CDH18: variants seen among roughly 807,000 people sequenced by gnomAD.
CDH18 encodes cadherin-18.
A neutral mutation model predicts 67.9 loss-of-function variants in CDH18; 31 were observed. That is an observed-to-expected ratio of 0.46 (90% confidence interval 0.34 to 0.62). The LOEUF is 0.62. Among genes scored for constraint, CDH18 ranks in the 20% least tolerant of loss-of-function variants. The pLI is 0.01. For missense variants in CDH18, 890 were observed against 975.5 expected (o/e 0.91, Z 1.17); for synonymous variants, 362 against 347.2 (o/e 1.04, Z -0.48).
At chr5:19,871,482 C>A (rs576989366) in intron 2 of CDH18, among the ~76,000 whole-genome samples, 1 of 152,110 alleles carries the variant, frequency 6.6e-6, no homozygotes, top group African/African-American at 2.4e-5. Context: ...TAGCACATAG[C>A]GTTTGAATGC....
chr5:20,306,996 A>C (rs914919272), intron 1 of CDH18, among the ~76,000 whole-genome samples: 2 of 151,852 alleles, frequency 1.3e-5, no homozygotes, highest in Non-Finnish European at 2.9e-5. Flanking sequence ...TACTCAATAT[A>C]TATTTACCAA....
chr5:20,321,562 C>T (rs549032146), intron 1 of CDH18, among the ~76,000 whole-genome samples: 1 of 152,122 alleles, frequency 6.6e-6, no homozygotes, highest in Non-Finnish European at 1.5e-5. Context: ...AAAAAAAGTG[C>T]TATACTCTTT....
intron 1 of CDH18, among the ~76,000 whole-genome samples, chr5:19,987,253 AACACACACACACACACACAC>A (rs10654722): frequency 2.8e-5 from 4 of 144,356 alleles, no homozygotes; most frequent in Admixed American, 7.0e-5. Flanking sequence ...CTGTACAGAC[AACACACACACACACACACAC>A]ACACACACAC....
chr5:20,353,336 T>C (rs1011859334), intron 1 of CDH18, among the ~76,000 whole-genome samples: 1 of 152,186 alleles, frequency 6.6e-6, no homozygotes, highest in African/African-American at 2.4e-5. Flanking sequence ...TGCTTTTCAA[T>C]AAGACAAATA....
At chr5:19,886,867 G>GATTC (rs1788268918) in intron 2 of CDH18, among the ~76,000 whole-genome samples, 2 of 152,036 alleles carry the variant, frequency 1.3e-5, no homozygotes, top group Non-Finnish European at 2.9e-5. Flanking sequence ...TTTTTGTGTG[G>GATTC]ATTCATTCAT....
At chr5:20,382,955 C>T (rs562020183) in intron 1 of CDH18, among the ~76,000 whole-genome samples, 1 of 152,128 alleles carries the variant, frequency 6.6e-6, no homozygotes, top group South Asian at 2.1e-4. Flanking sequence ...AATTTTTCAT[C>T]CAAATAGGAA....
rs1001948291 is a variant in CDH18, at chr5:19,619,313, A to G, written c.644-6712T>C. Among the ~76,000 whole-genome samples, 3 of 152,232 alleles carry G rather than the reference A, an allele frequency of 2.0e-5. No individual in the cohort carries two copies. The South Asian group carries it at 6.2e-4, about 32-fold the overall frequency. On this transcript the variant is annotated intron_variant, in intron 5 of 12. Coordinates refer to ENST00000382275, the MANE Select transcript of CDH18 (RefSeq NM_004934.5). The stretch of plus-strand genomic sequence containing the variant: ...TGCTATGATTAGAATGTTCAATGAT[A>G]TGGAAACAGATATGCAAATCTGTAC...
intron 2 of CDH18, among the ~76,000 whole-genome samples, chr5:19,922,213 G>A (rs1052894955): frequency 6.6e-6 from 1 of 152,136 alleles, no homozygotes; most frequent in Non-Finnish European, 1.5e-5. Context: ...TAAACTGCTA[G>A]TGATAATAAT....
intron 1 of CDH18, among the ~76,000 whole-genome samples, chr5:20,266,497 G>A (rs978487773): frequency 9.9e-5 from 15 of 151,502 alleles, no homozygotes; most frequent in Non-Finnish European, 1.3e-4. Flanking sequence ...TCTGCCTCCC[G>A]GGTTCAAGTG....
At chr5:19,477,732 T>C (rs559187089) in intron 12 of CDH18, among the ~76,000 whole-genome samples, 36 of 152,074 alleles carry the variant, frequency 2.4e-4, no homozygotes, top group South Asian at 2.1e-4. Flanking sequence ...TATCAAAGCA[T>C]ACACATTGGC....
chr5:20,039,289 A>T (rs1740190739), intron 2 of CDH18, among the ~76,000 whole-genome samples: 1 of 152,188 alleles, frequency 6.6e-6, no homozygotes, highest in South Asian at 2.1e-4. Context: ...TTGTAGATAC[A>T]ATGCTATCCC....
chr5:20,488,700 T>TATATATATATATATATATAC (rs369185147), intron 1 of CDH18, among the ~76,000 whole-genome samples: 88 of 137,238 alleles, frequency 6.4e-4, no homozygotes, highest in African/African-American at 2.2e-3. Flanking sequence ...TATATATATA[T>TATATATATATATATATATAC]ACACACACAT....
intron 1 of CDH18, among the ~76,000 whole-genome samples, chr5:20,411,955 T>A (rs942081259): frequency 7.9e-5 from 12 of 152,190 alleles, no homozygotes; most frequent in African/African-American, 2.9e-4. Context: ...ATAGTCATAC[T>A]GCTGAAAGCA....
chr5:19,764,485 C>CACATATAA (rs956003280), intron 3 of CDH18, among the ~76,000 whole-genome samples: 4 of 151,610 alleles, frequency 2.6e-5, no homozygotes, highest in Admixed American at 1.3e-4. Context: ...TTAATATAAA[C>CACATATAA]ACATATAAAG....
intron 2 of CDH18, among the ~76,000 whole-genome samples, chr5:19,868,155 T>C (rs1785800166): frequency 6.6e-6 from 1 of 152,216 alleles, no homozygotes; most frequent in South Asian, 2.1e-4. Context: ...TAGACCTATA[T>C]ATAAATTACT....
At chr5:20,320,348 T>C (rs1737886268) in intron 1 of CDH18, among the ~76,000 whole-genome samples, 1 of 152,068 alleles carries the variant, frequency 6.6e-6, no homozygotes, top group Admixed American at 6.6e-5. Flanking sequence ...TTCAGCATTG[T>C]CACACACAAA....
intron 1 of CDH18, among the ~76,000 whole-genome samples, chr5:20,490,327 C>A (rs745987782): frequency 6.6e-6 from 1 of 151,854 alleles, no homozygotes; most frequent in Non-Finnish European, 1.5e-5. Flanking sequence ...TTTCTAATAT[C>A]AATAGCCAAT....
intron 6 of CDH18, among the ~76,000 whole-genome samples, chr5:19,611,949 CGTGTGTGTGT>C (rs3062879): frequency 1.2e-4 from 16 of 139,014 alleles, no homozygotes; most frequent in Non-Finnish European, 1.7e-4. Context: ...TTGGATGATG[CGTGTGTGTGT>C]GTGTGTGTGT....
At position 20,324,275 on chromosome 5, in the gene CDH18, C is replaced by T. The variant is rs768408222; in HGVS notation, c.-579-68770G>A. On this transcript the variant is annotated intron_variant, in intron 1 of 14. Coordinates refer to the CDH18 transcript ENST00000507958. ...GGAAGGCCGGGCGCGGTGGGTGGCTCACGCCTATAATCCCAGCACTTTGGG... is the reference window on the plus strand; with the variant it reads ...GGAAGGCCGGGCGCGGTGGGTGGCTTACGCCTATAATCCCAGCACTTTGGG... 3.9e-5 allele frequency among the ~76,000 whole-genome samples: 6 copies of T among 152,014 alleles called. 1 individual carries two copies. Among genetic ancestry groups the T allele is most frequent in the South Asian group, 4.1e-4 (2 of 4,828 alleles).
Sources: allele counts gnomAD v4.1 joint callset (sites outside exome capture counted in the v4.1 genomes callset), GRCh38; gene constraint gnomAD v4.1.1; transcripts MANE v1.5; gene names NCBI Gene and HGNC (gene_info 2026-07-23, HGNC 2026-07-21).